Variants in FHAD1 observed in about 807,000 individuals in gnomAD.
FHAD1 encodes the protein forkhead-associated domain-containing protein 1.
A neutral mutation model predicts 191.3 loss-of-function variants in FHAD1; 146 were observed. The observed-to-expected ratio is 0.76, with a 90% CI of 0.67 to 0.88. The LOEUF is 0.88. Ranked by LOEUF, FHAD1 falls within the 40% of genes least tolerant of loss-of-function variation. The pLI, the probability that FHAD1 is intolerant of heterozygous loss-of-function variation, is 0.00. For synonymous variants in FHAD1, 616 were observed against 672.3 expected, an observed-to-expected ratio of 0.92 and a Z score of 1.29; for missense variants, 1,635 against 1,785.8, an observed-to-expected ratio of 0.92 and a Z score of 1.52.
intron 22 of FHAD1, among the ~76,000 whole-genome samples, chr1:15,362,436 G>A (rs1695103725): frequency 6.6e-6 from 1 of 152,230 alleles, no homozygotes; most frequent in Non-Finnish European, 1.5e-5. Context: ...GATGGCCCCT[G>A]CCTTCTAGAG....
chr1:15,314,061 A>AAATAATAATAATAAT (rs59696318), intron 8 of FHAD1, among the ~76,000 whole-genome samples: 1 of 146,410 alleles, frequency 6.8e-6, no homozygotes, highest in African/African-American at 2.5e-5. Context: ...ACTCCGTCTC[A>AAATAATAATAATAAT]AATAATAATA....
upstream of FHAD1, among the ~76,000 whole-genome samples, chr1:15,246,135 G>A (rs1404863295): frequency 6.6e-6 from 1 of 152,196 alleles, no homozygotes; most frequent in Non-Finnish European, 1.5e-5. Flanking sequence ...GTAACATGGT[G>A]TAGCAGGAGA....
At chr1:15,401,021 C>T (rs1378758808), downstream of FHAD1, among the ~76,000 whole-genome samples, 2 of 152,174 alleles carry the variant, frequency 1.3e-5, no homozygotes, top group Non-Finnish European at 2.9e-5. Flanking sequence ...ACCTTGATTC[C>T]CAATGACTTT....
At chr1:15,349,021 G>A (rs1274865623) in intron 18 of FHAD1, 21 bp from the exon 19 acceptor site, 2 of 1,500,846 alleles carry the variant, frequency 1.3e-6, no homozygotes, top group Admixed American at 2.0e-5. Flanking sequence ...GCCACCAAGA[G>A]CACTGGTCGT....
intron 21 of FHAD1, among the ~76,000 whole-genome samples, 178 bp from the exon 22 acceptor site, chr1:15,360,300 A>G (rs1694357596): frequency 6.6e-6 from 1 of 152,254 alleles, no homozygotes; most frequent in Non-Finnish European, 1.5e-5. Context: ...CTGAGAGTCA[A>G]GAAGGAGTTG....
intron 8 of FHAD1, among the ~76,000 whole-genome samples, chr1:15,315,968 G>A (rs1346549691): frequency 6.6e-6 from 1 of 152,224 alleles, no homozygotes; most frequent in Non-Finnish European, 1.5e-5. Context: ...CAGAACGGCT[G>A]TTCCATTTTC....
Position 15,329,197 on chromosome 1 carries a change from A to C in FHAD1, c.1711-149A>C, listed in dbSNP as rs1680203049. ...ACCTGTCAAAACATAAAAATTTTAA[A>C]AAAGAAAAAAACTGAGTCCTCCCAA... is the stretch of plus-strand genomic sequence containing the variant. On this transcript the variant is annotated intron_variant, in intron 13 of 33. Coordinates refer to ENST00000688493, the MANE Select transcript of FHAD1 (RefSeq NM_001391957.1). The surrounding 1 kb of genome is among the most constrained non-coding windows in gnomAD (Gnocchi z 5.0). 2 of 593,040 alleles carry C rather than the reference A, an allele frequency of 3.4e-6. No individual in the cohort carries two copies. Among genetic ancestry groups the C allele is most frequent in the Admixed American group, 3.3e-5 (1 of 30,010 alleles). 36.7% of individuals were successfully genotyped at this position (593,040 alleles called of 1,614,324 possible).
At chr1:15,389,658 T>C (rs1201431580) in intron 32 of FHAD1, among the ~76,000 whole-genome samples, 1 of 152,068 alleles carries the variant, frequency 6.6e-6, no homozygotes, top group African/African-American at 2.4e-5. Flanking sequence ...GACTGTTGCT[T>C]TGGGAGAACA....
At chr1:15,252,522 T>G (rs531535441) in intron 2 of FHAD1, among the ~76,000 whole-genome samples, 58 of 151,880 alleles carry the variant, frequency 3.8e-4, no homozygotes, top group Non-Finnish European at 7.2e-4. Context: ...CTGTCCCTAT[T>G]TTAGCTAGTC....
chr1:15,282,253 TCCAG>T (rs1319726424), intron 3 of FHAD1, among the ~76,000 whole-genome samples: 3 of 152,168 alleles, frequency 2.0e-5, no homozygotes, highest in Non-Finnish European at 4.4e-5. Flanking sequence ...GGGCACTGGG[TCCAG>T]CCAGTGCTAT....
Position 15,380,594 on chromosome 1 carries a change from CA to C in FHAD1, c.3706-105del. 3 of 871,536 alleles carry C rather than the reference CA, an allele frequency of 3.4e-6. No homozygotes were observed. The Admixed American group carries it at 6.8e-5, about 20-fold the overall frequency. The allele number at this position is 871,536 out of a possible 1,614,324, so 54.0% of individuals were successfully genotyped here. A position where few individuals can be genotyped will look rare whatever the true frequency, so the allele number is the denominator to read the frequency against. On this transcript the variant is annotated intron_variant, in intron 28 of 33. Transcript: ENST00000688493. ...AATGATCAGGACGCGGACTGAAAAT[CA>C]ACTCTCTTGAGTTAATCTTCGGTAA...
At chr1:15,386,468 A>G (rs1213447100) in intron 31 of FHAD1, among the ~76,000 whole-genome samples, 1 of 152,258 alleles carries the variant, frequency 6.6e-6, no homozygotes, top group Admixed American at 6.5e-5. Flanking sequence ...GATTTTCAGT[A>G]GGAACATTTT....
At chr1:15,249,566 G>T (rs1646515967) in intron 1 of FHAD1, among the ~76,000 whole-genome samples, 1 of 152,198 alleles carries the variant, frequency 6.6e-6, no homozygotes, top group African/African-American at 2.4e-5. Flanking sequence ...TTATATGAAA[G>T]TATTAATATT....
intron 2 of FHAD1, among the ~76,000 whole-genome samples, chr1:15,262,304 A>G (rs1463123986): frequency 6.6e-6 from 1 of 152,168 alleles, no homozygotes; most frequent in African/African-American, 2.4e-5. Flanking sequence ...ATACTCTTCT[A>G]AGTGCTTTTT....
chr1:15,273,793 A>T (rs146005024), intron 3 of FHAD1, among the ~76,000 whole-genome samples: 13 of 152,316 alleles, frequency 8.5e-5, no homozygotes, highest in Middle Eastern at 6.8e-3. Context: ...TGTTGAGTGC[A>T]TTCACATTGT....
intron 26 of FHAD1, among the ~76,000 whole-genome samples, chr1:15,373,372 C>T (rs565317181): frequency 1.4e-5 from 2 of 142,788 alleles, no homozygotes; most frequent in Admixed American, 6.7e-5. Flanking sequence ...ATTAGCTGAG[C>T]GTGGTGGCAT....
intron 32 of FHAD1, among the ~76,000 whole-genome samples, chr1:15,388,699 A>T (rs1002956914): frequency 2.6e-5 from 4 of 152,140 alleles, no homozygotes; most frequent in African/African-American, 9.7e-5. Flanking sequence ...CCTTCCTGGC[A>T]GCCAACGAGA....
intron 23 of FHAD1, among the ~76,000 whole-genome samples, chr1:15,363,314 C>G (rs941292117): frequency 2.0e-5 from 3 of 152,192 alleles, no homozygotes; most frequent in Admixed American, 6.5e-5. Flanking sequence ...ATCTATTAAT[C>G]CATAATTGTA....
intron 4 of FHAD1, among the ~76,000 whole-genome samples, chr1:15,292,693 A>G (rs543000148): frequency 6.6e-6 from 1 of 152,324 alleles, no homozygotes; most frequent in African/African-American, 2.4e-5. Context: ...CACCAGAGGA[A>G]AGACCATGTG....
Sources: gnomAD v4.1 joint callset for allele counts (sites outside exome capture counted in the v4.1 genomes callset) on GRCh38, gnomAD v4.1.1 for gene constraint, Gnocchi (gnomAD v3.1) non-coding constraint, MANE v1.5 for transcripts, NCBI Gene and HGNC (gene_info 2026-07-23, HGNC 2026-07-21) for gene names.